GREB1L: variants seen among roughly 807,000 people sequenced by gnomAD.
GREB1L encodes GREB1-like protein.
Under a neutral mutation model 200.8 loss-of-function variants are expected in GREB1L, and 17 were observed. That is an observed-to-expected ratio of 0.08 (90% CI 0.06 to 0.13). GREB1L has a LOEUF of 0.13. Among genes scored for constraint, GREB1L ranks in the 10% least tolerant of loss-of-function variants. GREB1L has a pLI of 1.00. For missense variants in GREB1L, 1,657 were observed against 2,367.7 expected, an observed-to-expected ratio of 0.70 and a Z score of 6.23; for synonymous variants, 789 against 893.0, an observed-to-expected ratio of 0.88 and a Z score of 2.08.
rs777013152 is a variant in GREB1L, at chr18:21,444,257, T to C, written c.1241T>C (p.Val414Ala). The C allele has an allele frequency of 1.7e-4, 268 of 1,551,440 alleles. No homozygotes were observed. Among genetic ancestry groups the C allele is most frequent in the Non-Finnish European group, 2.2e-4 (258 of 1,146,764 alleles). ...YGTLPYFYGN[V>A]GDIVVSPLLV... ...ACTTTACCCTATTTCTATGGAAATG[T>C]TGGTGACATTGTTGTGAGTCCTCTG... is the stretch of plus-strand genomic sequence containing the variant. The change falls in exon 11 of 33, where the codon GTT becomes GCT. Residue 414 changes from valine to alanine, a missense_variant. Around this residue, in one of 9 missense-constraint regions of GREB1L, gnomAD observed 289 missense variants for 345.1 expected, o/e 0.84. Transcript: ENST00000424526.
chr18:21,386,118 T>A (rs1209698958), intron 4 of GREB1L, among the ~76,000 whole-genome samples: 1 of 152,186 alleles, frequency 6.6e-6, no homozygotes, highest in Non-Finnish European at 1.5e-5. Context: ...TCACTCAAGT[T>A]CAAGATTTAT....
At chr18:21,368,775 T>G (rs1470620132) in intron 2 of GREB1L, among the ~76,000 whole-genome samples, 3 of 152,328 alleles carry the variant, frequency 2.0e-5, no homozygotes, top group Non-Finnish European at 4.4e-5. Flanking sequence ...GGGAATTTAT[T>G]TACCCCTCTT....
chr18:21,513,500 T>C (rs557454767), intron 27 of GREB1L, among the ~76,000 whole-genome samples: 1 of 152,348 alleles, frequency 6.6e-6, no homozygotes, highest in East Asian at 1.9e-4. Flanking sequence ...CTTTGTCCTG[T>C]GAGGGAAACT....
At chr18:21,486,172 G>A (rs1038574007) in intron 18 of GREB1L, among the ~76,000 whole-genome samples, 2 of 152,138 alleles carry the variant, frequency 1.3e-5, no homozygotes, top group African/African-American at 4.8e-5. Flanking sequence ...GGCTAACACG[G>A]TGAAACCCCA....
At chr18:21,385,113 C>T (rs1354506511) in intron 4 of GREB1L, among the ~76,000 whole-genome samples, 2 of 152,038 alleles carry the variant, frequency 1.3e-5, no homozygotes, top group Non-Finnish European at 2.9e-5. Context: ...ATTTTCTGAC[C>T]ATCCCAGCCT....
intron 1 of GREB1L, among the ~76,000 whole-genome samples, chr18:21,319,945 C>T (rs1000260944): frequency 3.3e-5 from 5 of 152,170 alleles, no homozygotes; most frequent in Admixed American, 6.6e-5. Context: ...AAATATCATT[C>T]GTATAAAGCA....
intron 1 of GREB1L, among the ~76,000 whole-genome samples, chr18:21,272,235 A>G (rs868033655): frequency 2.6e-5 from 4 of 152,172 alleles, no homozygotes; most frequent in South Asian, 2.1e-4. Flanking sequence ...TTCCACTACT[A>G]TCTTCCAATT....
intron 1 of GREB1L, among the ~76,000 whole-genome samples, chr18:21,249,078 G>C (rs1250421332): frequency 1.3e-5 from 2 of 151,994 alleles, no homozygotes; most frequent in South Asian, 4.1e-4. Context: ...TAAAAATCAA[G>C]TTGTAGTAAA....
At chr18:21,464,857 T>A (rs9946294) in intron 15 of GREB1L, among the ~76,000 whole-genome samples, 5 of 152,298 alleles carry the variant, frequency 3.3e-5, no homozygotes, top group Admixed American at 1.3e-4. Context: ...GCTTGAATTT[T>A]AAAAAATAAT....
At chr18:21,307,567 C>T (rs902576664) in intron 1 of GREB1L, among the ~76,000 whole-genome samples, 4 of 152,132 alleles carry the variant, frequency 2.6e-5, no homozygotes, top group Non-Finnish European at 4.4e-5. Context: ...AATTTCTAAA[C>T]ATCACTGGTT....
intron 1 of GREB1L, among the ~76,000 whole-genome samples, chr18:21,356,030 A>G (rs1284543283): frequency 8.0e-6 from 1 of 124,824 alleles, no homozygotes; most frequent in African/African-American, 3.2e-5. Flanking sequence ...TCTGTCGCCC[A>G]GGCTGGAGTG....
intron 4 of GREB1L, among the ~76,000 whole-genome samples, chr18:21,390,015 G>A (rs759451515): frequency 6.6e-6 from 1 of 152,064 alleles, no homozygotes; most frequent in South Asian, 2.1e-4. Context: ...ACACCATTTC[G>A]GTCAATGACT....
rs541825318 is a variant in GREB1L, at chr18:21,403,610, G to A, written c.710-262G>A. Among the ~76,000 whole-genome samples, 32 of 152,248 alleles carry A rather than the reference G, an allele frequency of 2.1e-4. No individual in the cohort carries two copies. The East Asian group carries it at 4.1e-3, about 19-fold the overall frequency. Reference sequence around the variant, plus strand: ...ACTAGCATGACTATATTGGTTACGAGTATTTTTCCTCTGGGAACTAGTATG... The same window carrying A: ...ACTAGCATGACTATATTGGTTACGAATATTTTTCCTCTGGGAACTAGTATG... On this transcript the variant is annotated intron_variant, in intron 6 of 32. Transcript: ENST00000424526.
intron 16 of GREB1L, 31 bp from the exon 17 acceptor site, chr18:21,477,133 G>T: frequency 6.9e-7 from 1 of 1,442,412 alleles, no homozygotes; most frequent in Non-Finnish European, 9.5e-7. Flanking sequence ...GGTTAAATGA[G>T]GTATTAATAT....
At chr18:21,459,744 A>AG (rs1211478162) in intron 15 of GREB1L, among the ~76,000 whole-genome samples, 3 of 152,186 alleles carry the variant, frequency 2.0e-5, no homozygotes. Context: ...AAATTTCAAC[A>AG]GAAAAAAAGA....
intron 2 of GREB1L, among the ~76,000 whole-genome samples, chr18:21,382,633 A>G (rs1355784184): frequency 1.3e-5 from 2 of 151,824 alleles, no homozygotes; most frequent in Middle Eastern, 3.2e-3. Flanking sequence ...CTGGGACTAC[A>G]GGCACATGCC....
chr18:21,315,534 A>G (rs1306904267), intron 1 of GREB1L, among the ~76,000 whole-genome samples: 1 of 152,220 alleles, frequency 6.6e-6, no homozygotes, highest in Non-Finnish European at 1.5e-5. Context: ...ATAAAAATTT[A>G]GGAATCATTT....
At chr18:21,456,669 G>A (rs1423743873) in intron 15 of GREB1L, among the ~76,000 whole-genome samples, 1 of 152,086 alleles carries the variant, frequency 6.6e-6, no homozygotes, top group African/African-American at 2.4e-5. Context: ...CTCAGTTTTG[G>A]AATGACAGGT....
intron 15 of GREB1L, among the ~76,000 whole-genome samples, chr18:21,462,919 A>G (rs1252928377): frequency 1.3e-5 from 2 of 152,248 alleles, no homozygotes; most frequent in African/African-American, 4.8e-5. Flanking sequence ...TCACATTGAT[A>G]ACATTAACCA....
Sources: allele counts gnomAD v4.1 joint callset (sites outside exome capture counted in the v4.1 genomes callset), GRCh38; gene constraint gnomAD v4.1.1; regional missense constraint gnomAD v4.1.1; transcripts MANE v1.5; gene names NCBI Gene and HGNC (gene_info 2026-07-23, HGNC 2026-07-21).